BCAS1: variants seen among roughly 807,000 people sequenced by gnomAD.
The protein encoded by BCAS1 is breast carcinoma-amplified sequence 1.
A neutral mutation model predicts 65.4 loss-of-function variants in BCAS1; 46 were observed. The ratio of observed to expected loss-of-function variants is 0.70; its 90% CI spans 0.55 to 0.90. The LOEUF (loss-of-function observed/expected upper bound fraction) is 0.90. Ranked by LOEUF, BCAS1 falls within the 40% of genes least tolerant of loss-of-function variation. The probability of loss-of-function intolerance (pLI) is 0.00; values close to 1 mark genes in which losing one functional copy is unlikely to be tolerated. For synonymous variants in BCAS1, 298 were observed against 293.5 expected (o/e 1.02, Z -0.16); for missense variants, 793 against 771.2 (o/e 1.03, Z -0.33).
chr20:54,026,310 G>C lies in BCAS1; in HGVS notation c.723+2082C>G, dbSNP rs112112511. 1.9e-3 allele frequency among the ~76,000 whole-genome samples: 276 copies of C among 147,234 alleles called. 1 individual carries two copies. The highest frequency in any genetic ancestry group is 3.1e-3 in the Non-Finnish European group (208 of 66,254). ...TTTTGGAACACATTCCACTCAAATT[G>C]AGGTTCTACCCCTAAGAGTTCTTTT... On this transcript the variant is annotated intron_variant, in intron 4 of 12. Transcript: ENST00000688948.
In BCAS1 at chr20:53,957,517, A is replaced by C; in HGVS notation, c.1486-20T>G. 1 of 1,609,338 alleles carries C rather than the reference A, an allele frequency of 6.2e-7. No homozygotes were observed. Among genetic ancestry groups the C allele is most frequent in the Non-Finnish European group, 8.5e-7 (1 of 1,175,604 alleles). On this transcript the variant is annotated intron_variant, in intron 10 of 12. Transcript: ENST00000688948. ...CACTGACTAAAATAACAAACAGACAATGGCCTTCAGCCACAAGTACAGTGA... is the reference window on the plus strand; with the variant it reads ...CACTGACTAAAATAACAAACAGACACTGGCCTTCAGCCACAAGTACAGTGA...
chr20:54,060,323 T>C (rs540825711), intron 1 of BCAS1, among the ~76,000 whole-genome samples: 1 of 152,042 alleles, frequency 6.6e-6, no homozygotes, highest in Non-Finnish European at 1.5e-5. Flanking sequence ...TAAAAGTAAT[T>C]TTTTTTTGAG....
At chr20:54,013,795 T>C (rs2091373712) in intron 4 of BCAS1, among the ~76,000 whole-genome samples, 1 of 152,228 alleles carries the variant, frequency 6.6e-6, no homozygotes, top group South Asian at 2.1e-4. Context: ...CAGAAAGTAT[T>C]GTTAACTGAA....
chr20:54,067,263 C>G (rs290440), intron 1 of BCAS1, among the ~76,000 whole-genome samples: 55,122 of 152,010 alleles, frequency 0.36, 10,746 homozygotes, highest in Middle Eastern at 0.51. Context: ...GTAATCCCAG[C>G]TACTTGGGAG....
At chr20:54,011,799 G>A (rs1341198639) in intron 4 of BCAS1, among the ~76,000 whole-genome samples, 1 of 152,168 alleles carries the variant, frequency 6.6e-6, no homozygotes, top group African/African-American at 2.4e-5. Context: ...GACCCTGGGT[G>A]GCTGAGCCAA....
intron 3 of BCAS1, among the ~76,000 whole-genome samples, chr20:54,033,967 G>T (rs1449893896): frequency 6.6e-6 from 1 of 151,102 alleles, no homozygotes; most frequent in Non-Finnish European, 1.5e-5. Context: ...TAGAATGCAA[G>T]TTGGTTCAAC....
intron 4 of BCAS1, among the ~76,000 whole-genome samples, chr20:54,011,699 G>GT (rs147345803): frequency 2.6e-3 from 395 of 152,258 alleles, no homozygotes; most frequent in Non-Finnish European, 4.5e-3. Flanking sequence ...CAGTTAGACA[G>GT]TTTCTTAAAT....
At chr20:53,994,850 A>G (rs1335920607) in intron 6 of BCAS1, among the ~76,000 whole-genome samples, 162 bp downstream of exon 6, 2 of 151,850 alleles carry the variant, frequency 1.3e-5, no homozygotes, top group South Asian at 4.2e-4. Flanking sequence ...ATGACAACCT[A>G]ACAGCACTAT....
At chr20:54,033,282 CAAG>C (rs2091838617) in intron 3 of BCAS1, among the ~76,000 whole-genome samples, 1 of 150,224 alleles carries the variant, frequency 6.7e-6, no homozygotes, top group African/African-American at 2.4e-5. Context: ...TAGCAGAAGA[CAAG>C]AAATAACCAA....
At chr20:54,015,459 C>T (rs2091416129) in intron 4 of BCAS1, among the ~76,000 whole-genome samples, 1 of 152,112 alleles carries the variant, frequency 6.6e-6, no homozygotes, top group Non-Finnish European at 1.5e-5. Flanking sequence ...TTCACATCAA[C>T]TGATAAAAAT....
At chr20:53,996,952 T>C (rs558672840) in intron 4 of BCAS1, among the ~76,000 whole-genome samples, 116 of 152,360 alleles carry the variant, frequency 7.6e-4, no homozygotes, top group Non-Finnish European at 1.1e-3. Flanking sequence ...TACCACAGGT[T>C]ATTTCCAAAC....
chr20:53,959,866 G>T (rs1371311960), intron 10 of BCAS1, among the ~76,000 whole-genome samples: 4 of 152,172 alleles, frequency 2.6e-5, no homozygotes, highest in Admixed American at 1.3e-4. Flanking sequence ...CTTGTGCATT[G>T]TTCTACAAAG....
chr20:54,003,917 G>A (rs200849979), intron 4 of BCAS1, among the ~76,000 whole-genome samples: 13 of 152,190 alleles, frequency 8.5e-5, no homozygotes, highest in East Asian at 3.8e-4. Flanking sequence ...GGATCCAAGC[G>A]GTTAAGCTGG....
At chr20:54,024,259 G>C (rs945778132) in intron 4 of BCAS1, among the ~76,000 whole-genome samples, 3 of 152,178 alleles carry the variant, frequency 2.0e-5, no homozygotes, top group Non-Finnish European at 4.4e-5. Context: ...AAGGACTCTG[G>C]AGACCTTAGT....
intron 4 of BCAS1, among the ~76,000 whole-genome samples, chr20:54,003,499 T>C (rs2145904338): frequency 6.6e-6 from 1 of 152,334 alleles, no homozygotes; most frequent in Non-Finnish European, 1.5e-5. Flanking sequence ...TATACCACAG[T>C]TCTCAGCACT....
intron 4 of BCAS1, among the ~76,000 whole-genome samples, chr20:54,007,042 T>C (rs1027677807): frequency 1.3e-5 from 2 of 152,132 alleles, no homozygotes; most frequent in African/African-American, 4.8e-5. Flanking sequence ...TAGGCAAGGT[T>C]CTCTGAAGTT....
At chr20:54,010,240 G>A (rs760064486) in intron 4 of BCAS1, among the ~76,000 whole-genome samples, 1 of 152,012 alleles carries the variant, frequency 6.6e-6, no homozygotes, top group East Asian at 1.9e-4. Flanking sequence ...GTATATTAAG[G>A]CAAGAAAATA....
At chr20:54,034,241 C>G (rs2091856092) in intron 3 of BCAS1, among the ~76,000 whole-genome samples, 1 of 151,356 alleles carries the variant, frequency 6.6e-6, no homozygotes, top group African/African-American at 2.4e-5. Context: ...GATGATCTCT[C>G]TCACCACTCC....
intron 4 of BCAS1, among the ~76,000 whole-genome samples, chr20:54,005,870 T>C (rs987030099): frequency 2.0e-5 from 3 of 151,854 alleles, no homozygotes; most frequent in Admixed American, 1.3e-4. Context: ...CAGAAAAAGA[T>C]GAGGTGGGGA....
Sources: allele counts gnomAD v4.1 joint callset (sites outside exome capture counted in the v4.1 genomes callset), GRCh38; gene constraint gnomAD v4.1.1; transcripts MANE v1.5; gene names NCBI Gene and HGNC (gene_info 2026-07-23, HGNC 2026-07-21).